The following MAPK10 variants were observed in gnomAD, a reference collection of about 807,000 sequenced individuals.
The protein encoded by MAPK10 is JNK3 alpha protein kinase.
Under a neutral mutation model 59.3 loss-of-function variants are expected in MAPK10, and 25 were observed. The ratio of observed to expected loss-of-function variants is 0.42; its 90% CI spans 0.31 to 0.59. The LOEUF (loss-of-function observed/expected upper bound fraction) is 0.59. Among genes scored for constraint, MAPK10 ranks in the 20% least tolerant of loss-of-function variants. MAPK10 has a pLI of 0.15. For synonymous variants in MAPK10, 190 were observed against 200.5 expected, an observed-to-expected ratio of 0.95 and a Z score of 0.44; for missense variants, 351 against 568.9, an observed-to-expected ratio of 0.62 and a Z score of 3.90.
intron 1 of MAPK10, among the ~76,000 whole-genome samples, chr4:86,387,412 G>C (rs1741619632): frequency 6.6e-6 from 1 of 152,144 alleles, no homozygotes; most frequent in African/African-American, 2.4e-5. Flanking sequence ...CATTAAACAG[G>C]AAATTAGAGC....
At chr4:86,254,796 A>T (rs146232425) in intron 2 of MAPK10, among the ~76,000 whole-genome samples, 12,461 of 151,092 alleles carry the variant, frequency 0.082, 1,111 homozygotes, top group African/African-American at 0.23. Flanking sequence ...CCCATTATTA[A>T]TGTGTGGGAG....
At chr4:86,404,441 T>G (rs114412105) in intron 1 of MAPK10, among the ~76,000 whole-genome samples, 2,485 of 152,314 alleles carry the variant, frequency 0.016, 76 homozygotes, top group African/African-American at 0.056. Context: ...TCATTCATGA[T>G]TCATTGACTC....
intron 1 of MAPK10, among the ~76,000 whole-genome samples, chr4:86,526,451 CCTT>C (rs1248621872): frequency 2.6e-5 from 4 of 152,030 alleles, no homozygotes. Flanking sequence ...CTTATTTGAA[CCTT>C]CTCTTTTCTT....
At chr4:86,370,907 T>C (rs1738660802) in intron 1 of MAPK10, 1 of 152,186 alleles carries the variant, frequency 6.6e-6, no homozygotes, top group South Asian at 2.1e-4. Context: ...GATGACTCAA[T>C]GAACAGAATT....
chr4:86,447,845 A>C (rs1179498062), intron 1 of MAPK10, among the ~76,000 whole-genome samples: 2 of 152,220 alleles, frequency 1.3e-5, no homozygotes, highest in African/African-American at 4.8e-5. Flanking sequence ...TAATACATAT[A>C]GAGTTAATTC....
chr4:86,185,100 T>C (rs1039002317), intron 3 of MAPK10, among the ~76,000 whole-genome samples: 15 of 152,192 alleles, frequency 9.9e-5, no homozygotes, highest in Middle Eastern at 3.2e-3. Flanking sequence ...CTTGGCATCG[T>C]TAAACTTTGA....
chr4:86,443,706 A>AT (rs1749689027), intron 1 of MAPK10, among the ~76,000 whole-genome samples: 1 of 152,176 alleles, frequency 6.6e-6, no homozygotes, highest in Non-Finnish European at 1.5e-5. Flanking sequence ...CATCACGTCC[A>AT]CCTTTCAGCA....
At chr4:86,413,658 C>A (rs1745486336) in intron 1 of MAPK10, among the ~76,000 whole-genome samples, 1 of 152,196 alleles carries the variant, frequency 6.6e-6, no homozygotes, top group Non-Finnish European at 1.5e-5. Flanking sequence ...TGCAGCATTG[C>A]AGGTTGACCT....
chr4:86,248,635 T>C (rs1000663782), intron 2 of MAPK10, among the ~76,000 whole-genome samples: 16 of 152,200 alleles, frequency 1.1e-4, no homozygotes, highest in Non-Finnish European at 1.8e-4. Flanking sequence ...AAGAAGAATC[T>C]TTCTCAAGTC....
chr4:86,153,088 G>A (rs1373720724), intron 4 of MAPK10, among the ~76,000 whole-genome samples: 10 of 152,096 alleles, frequency 6.6e-5, no homozygotes. Flanking sequence ...ACTATAAACT[G>A]ACTTTAATTC....
chr4:86,034,899 G>A (rs1039832485), intron 11 of MAPK10, among the ~76,000 whole-genome samples: 34 of 151,942 alleles, frequency 2.2e-4, no homozygotes, highest in Non-Finnish European at 4.3e-4. Flanking sequence ...CAGAATAGGG[G>A]TGGTGGTGGT....
intron 1 of MAPK10, among the ~76,000 whole-genome samples, chr4:86,488,947 G>T (rs1026120737): frequency 1.3e-5 from 2 of 152,348 alleles, no homozygotes; most frequent in South Asian, 2.1e-4. Context: ...CAAAGATGCA[G>T]CAGAGGCTTG....
intron 3 of MAPK10, chr4:86,160,541 G>T (rs1337729723): frequency 6.6e-6 from 1 of 151,982 alleles, no homozygotes; most frequent in Non-Finnish European, 1.5e-5. Context: ...TTGTGGGCAG[G>T]TTTTAAAATG....
At chr4:86,076,430 T>C (rs1045588917) in intron 9 of MAPK10, among the ~76,000 whole-genome samples, 1 of 152,214 alleles carries the variant, frequency 6.6e-6, no homozygotes, top group Non-Finnish European at 1.5e-5. Context: ...ATGATTTTTC[T>C]TTATAATAAC....
chr4:86,134,451 C>T (rs991933404), intron 4 of MAPK10, among the ~76,000 whole-genome samples: 2 of 152,284 alleles, frequency 1.3e-5, no homozygotes, highest in South Asian at 4.1e-4. Context: ...TTTTGCAAAA[C>T]TGCATTAAAG....
At chr4:86,243,322 T>G (rs879678058) in intron 2 of MAPK10, among the ~76,000 whole-genome samples, 2 of 152,200 alleles carry the variant, frequency 1.3e-5, no homozygotes, top group Non-Finnish European at 2.9e-5. Flanking sequence ...AGATACTTAG[T>G]CATTAATCAC....
chr4:86,317,142 TTC>T (rs1297279853), intron 2 of MAPK10, among the ~76,000 whole-genome samples: 3 of 152,114 alleles, frequency 2.0e-5, no homozygotes, highest in African/African-American at 7.2e-5. Context: ...GTATGCTGCA[TTC>T]TCTGACAAAG....
chr4:86,050,423 T>C (rs1409902540), intron 11 of MAPK10, among the ~76,000 whole-genome samples: 3 of 152,178 alleles, frequency 2.0e-5, no homozygotes, highest in African/African-American at 7.2e-5. Context: ...CAAGGTATGA[T>C]GAGACTTTGA....
In MAPK10 at chr4:86,346,026, A is replaced by G. The variant is rs143682248; in HGVS notation, c.-7+8504T>C. Among the ~76,000 whole-genome samples the G allele has an allele frequency of 3.2e-3, 481 of 152,338 alleles. 2 individuals carry two copies. The highest frequency in any genetic ancestry group is 0.011 in the African/African-American group (458 of 41,586). ...TATACATGATATCAGATTCAGAAGC[A>G]GAGATAGATGAAAACAGAATGTGTT... is the stretch of plus-strand genomic sequence containing the variant. On this transcript the variant is annotated intron_variant, in intron 2 of 13. Coordinates refer to ENST00000641462, the MANE Select transcript of MAPK10 (RefSeq NM_138982.4).
Sources: gnomAD v4.1 joint callset for allele counts (sites outside exome capture counted in the v4.1 genomes callset) on GRCh38, gnomAD v4.1.1 for gene constraint, MANE v1.5 for transcripts, NCBI Gene and HGNC (gene_info 2026-07-23, HGNC 2026-07-21) for gene names.